The following THSD7A variants were observed in gnomAD, a reference collection of about 807,000 sequenced individuals.
The protein encoded by THSD7A is thrombospondin type-1 domain-containing protein 7A.
In THSD7A, 96 loss-of-function variants were observed where a neutral mutation model predicts 231.3. The ratio of observed to expected loss-of-function variants is 0.41; its 90% CI spans 0.35 to 0.49. The LOEUF (loss-of-function observed/expected upper bound fraction) is 0.49. Ranked by LOEUF, THSD7A falls within the 20% of genes least tolerant of loss-of-function variation. The pLI is 0.05. For synonymous variants in THSD7A, 940 were observed against 743.3 expected, an observed-to-expected ratio of 1.26 and a Z score of -4.30; for missense variants, 2,290 against 2,070.2, an observed-to-expected ratio of 1.11 and a Z score of -2.06.
chr7:11,710,201 G>A (rs1780904606), intron 1 of THSD7A, among the ~76,000 whole-genome samples: 1 of 150,460 alleles, frequency 6.6e-6, no homozygotes, highest in Non-Finnish European at 1.5e-5. Context: ...AATGGTACTG[G>A]TGCTTGTGGG....
intron 6 of THSD7A, among the ~76,000 whole-genome samples, chr7:11,530,470 C>T (rs1235902854): frequency 2.0e-5 from 3 of 152,126 alleles, no homozygotes; most frequent in Admixed American, 6.5e-5. Context: ...AAGTGGAACA[C>T]AGTGCTAGGA....
At chr7:11,544,721 A>C (rs1361198520) in intron 4 of THSD7A, among the ~76,000 whole-genome samples, 1 of 152,100 alleles carries the variant, frequency 6.6e-6, no homozygotes, top group African/African-American at 2.4e-5. Context: ...TTACTACCAC[A>C]GTTTTTGTTC....
At chr7:11,594,945 C>A (rs776020747) in intron 2 of THSD7A, among the ~76,000 whole-genome samples, 2 of 152,126 alleles carry the variant, frequency 1.3e-5, no homozygotes, top group Non-Finnish European at 2.9e-5. Flanking sequence ...TGGGGGGACC[C>A]TGATGAAGCT....
chr7:11,703,461 CTT>C (rs982894277), intron 1 of THSD7A, among the ~76,000 whole-genome samples: 2 of 151,130 alleles, frequency 1.3e-5, no homozygotes, highest in Non-Finnish European at 3.0e-5. Flanking sequence ...AATGTCATAG[CTT>C]TGTCATTGTA....
At chr7:11,579,993 G>T (rs1248315382) in intron 4 of THSD7A, among the ~76,000 whole-genome samples, 1 of 152,140 alleles carries the variant, frequency 6.6e-6, no homozygotes. Context: ...GCCCTTCTAA[G>T]GCCCTGGCAG....
chr7:11,782,516 C>A (rs12673487), intron 1 of THSD7A, among the ~76,000 whole-genome samples: 29,403 of 152,034 alleles, frequency 0.19, 3,037 homozygotes, highest in South Asian at 0.28. Context: ...GAAAAGTAAT[C>A]TTTTAGCCCT....
chr7:11,633,403 A>G (rs1028466570), intron 2 of THSD7A, among the ~76,000 whole-genome samples: 1 of 152,142 alleles, frequency 6.6e-6, no homozygotes, highest in African/African-American at 2.4e-5. Flanking sequence ...CAATAATAGC[A>G]TAGTGGGCTT....
At chr7:11,614,612 A>G (rs527832908) in intron 2 of THSD7A, among the ~76,000 whole-genome samples, 7 of 152,346 alleles carry the variant, frequency 4.6e-5, no homozygotes, top group African/African-American at 1.7e-4. Flanking sequence ...CTAAAGAAAA[A>G]TTGAATACAC....
intron 6 of THSD7A, among the ~76,000 whole-genome samples, chr7:11,538,116 T>C (rs1351016281): frequency 6.6e-6 from 1 of 152,182 alleles, no homozygotes; most frequent in Non-Finnish European, 1.5e-5. Flanking sequence ...AGGAGGAAAG[T>C]GAGTTGCCTA....
chr7:11,816,878 A>G (rs10244296), intron 1 of THSD7A, among the ~76,000 whole-genome samples: 43,438 of 151,982 alleles, frequency 0.29, 6,654 homozygotes, highest in East Asian at 0.49. Flanking sequence ...TGATTGCATT[A>G]TTTGCATGTG....
rs956873865 is a variant in THSD7A at position 11,632,149 on chromosome 7, C to A, written c.1022+3981G>T. Among the ~76,000 whole-genome samples, 1 of 152,028 alleles carries A rather than the reference C, an allele frequency of 6.6e-6. No homozygotes were observed. The highest frequency in any genetic ancestry group is 2.4e-5 in the African/African-American group (1 of 41,382). On this transcript the variant is annotated intron_variant, in intron 2 of 27. Coordinates refer to ENST00000423059, the MANE Select transcript of THSD7A (RefSeq NM_015204.3). The surrounding 1 kb of genome is among the most constrained non-coding windows in gnomAD (Gnocchi z 4.1). Reference sequence around the variant, plus strand: ...ATCTTGTGAAGTTAGCCTTTCCTCTCTCTTTATTTTTCAGTATTTTCCTGT... The same window carrying A: ...ATCTTGTGAAGTTAGCCTTTCCTCTATCTTTATTTTTCAGTATTTTCCTGT...
Position 11,590,513 on chromosome 7 carries a change from A to C in THSD7A, c.1400T>G (p.Val467Gly). 6.2e-7 allele frequency: 1 copy of C among 1,613,904 alleles called. No homozygotes were observed. Among genetic ancestry groups the C allele is most frequent in the Non-Finnish European group, 8.5e-7 (1 of 1,179,830 alleles). Residue 467 changes from valine (V) to glycine (G), a missense_variant, in exon 4 of 28, where the codon GTG becomes GGG. Transcript: ENST00000423059. The surrounding 1 kb of genome is among the most constrained non-coding windows in gnomAD (Gnocchi z 4.4). ...GGIQTREVYC[V>G]QANENLLSQL... ...TGAGAGGAGGTTTTCGTTGGCCTGC[A>C]CGCAGTACACCTCTCGGGTCTGGAT...
intron 1 of THSD7A, among the ~76,000 whole-genome samples, chr7:11,811,039 G>C (rs1470419165): frequency 3.9e-5 from 6 of 152,110 alleles, no homozygotes; most frequent in African/African-American, 1.4e-4. Context: ...AACTTCTGAA[G>C]ACATTTCTGC....
intron 6 of THSD7A, among the ~76,000 whole-genome samples, chr7:11,496,972 A>G (rs1305901188): frequency 5.3e-5 from 8 of 152,186 alleles, no homozygotes; most frequent in Non-Finnish European, 8.8e-5. Flanking sequence ...TCAATGTATT[A>G]GTCCATTGTC....
chr7:11,592,046 G>C (rs1485794529), intron 3 of THSD7A, among the ~76,000 whole-genome samples: 1 of 152,170 alleles, frequency 6.6e-6, no homozygotes, highest in East Asian at 1.9e-4. Context: ...CACTTAGCTT[G>C]CAACAAAAAT....
intron 6 of THSD7A, among the ~76,000 whole-genome samples, chr7:11,497,809 A>G (rs1466714249): frequency 6.6e-6 from 1 of 152,142 alleles, no homozygotes; most frequent in Non-Finnish European, 1.5e-5. Context: ...TGACTCACAG[A>G]GAGGGAAGAA....
intron 1 of THSD7A, among the ~76,000 whole-genome samples, chr7:11,750,481 G>A (rs78360324): frequency 0.027 from 4,061 of 151,996 alleles, 193 homozygotes; most frequent in African/African-American, 0.093. Context: ...TTTTTTAATT[G>A]TAACATTGGT....
intron 1 of THSD7A, among the ~76,000 whole-genome samples, chr7:11,788,897 G>A (rs1165803063): frequency 2.0e-5 from 3 of 151,902 alleles, no homozygotes; most frequent in Non-Finnish European, 4.4e-5. Flanking sequence ...AATAAATGTA[G>A]CTGTTATTAT....
At chr7:11,494,284 C>T (rs1379197504) in intron 6 of THSD7A, among the ~76,000 whole-genome samples, 1 of 151,952 alleles carries the variant, frequency 6.6e-6, no homozygotes, top group Non-Finnish European at 1.5e-5. Context: ...TTGTTAAATA[C>T]TATAAATAAA....
Sources: allele counts gnomAD v4.1 joint callset (sites outside exome capture counted in the v4.1 genomes callset), GRCh38; gene constraint gnomAD v4.1.1; non-coding constraint Gnocchi (gnomAD v3.1); transcripts MANE v1.5; gene names NCBI Gene and HGNC (gene_info 2026-07-23, HGNC 2026-07-21).